The following CDH13 variants were observed in gnomAD, a reference collection of about 807,000 sequenced individuals.
CDH13 encodes cadherin 13, also known as cadherin-13.
A neutral mutation model predicts 63.8 loss-of-function variants in CDH13; 24 were observed. That is an observed-to-expected ratio of 0.38 (90% CI 0.27 to 0.53). The LOEUF (loss-of-function observed/expected upper bound fraction) is 0.53, where lower values mean the gene tolerates loss of function less well. Among genes scored for constraint, CDH13 ranks in the 20% least tolerant of loss-of-function variants. The pLI, the probability that CDH13 is intolerant of heterozygous loss-of-function variation, is 0.85. For missense variants in CDH13, 1,049 were observed against 903.1 expected, an observed-to-expected ratio of 1.16 and a Z score of -2.07; for synonymous variants, 503 against 355.3, an observed-to-expected ratio of 1.42 and a Z score of -4.67.
At chr16:82,656,773 G>A (rs961068258) in intron 1 of CDH13, among the ~76,000 whole-genome samples, 7 of 152,058 alleles carry the variant, frequency 4.6e-5, no homozygotes, top group African/African-American at 1.4e-4. Flanking sequence ...GCAATCCACC[G>A]ATCTTTCTTC....
At chr16:83,473,758 T>G (rs4782537) in intron 6 of CDH13, among the ~76,000 whole-genome samples, 152,156 of 152,270 alleles carry the variant, frequency 1, 76,021 homozygotes, top group Middle Eastern at 1. Flanking sequence ...GTAGGGAAGT[T>G]GGGAGAATAA....
intron 2 of CDH13, among the ~76,000 whole-genome samples, chr16:82,916,794 G>A (rs982089351): frequency 2.0e-5 from 3 of 151,984 alleles, no homozygotes; most frequent in Non-Finnish European, 4.4e-5. Context: ...CAGAGCAGGA[G>A]ACCTAAAAAA....
chr16:83,788,424 C>G (rs1215735645), intron 13 of CDH13, among the ~76,000 whole-genome samples: 1 of 151,850 alleles, frequency 6.6e-6, no homozygotes, highest in African/African-American at 2.4e-5. Context: ...ACACATTCTG[C>G]TACCAACACT....
rs552600495 is a variant in CDH13, at chr16:83,036,686, C to T, written c.366+4468C>T. On this transcript the variant is annotated intron_variant, in intron 3 of 13. Transcript: ENST00000567109. ...AATTCTGACCCTTGATATCTGGCTC[C>T]CACTCTGCATCCCTCTCCCTTGCAC... Among the ~76,000 whole-genome samples the T allele has an allele frequency of 2.6e-5, 4 of 152,216 alleles. No homozygotes were observed. In the South Asian group the frequency reaches 8.3e-4, roughly 32 times the overall value.
chr16:83,058,927 T>C (rs1027410016), intron 3 of CDH13, among the ~76,000 whole-genome samples: 1 of 152,164 alleles, frequency 6.6e-6, no homozygotes, highest in Admixed American at 6.5e-5. Context: ...TCTTAACTGG[T>C]GGAACCTCTT....
chr16:82,803,720 T>G (rs1281357076), intron 1 of CDH13, among the ~76,000 whole-genome samples: 1 of 152,068 alleles, frequency 6.6e-6, no homozygotes. Context: ...AATAAGACAG[T>G]CACAGAAGGA....
Position 83,044,811 on chromosome 16 carries a change from C to T in CDH13, c.366+12593C>T, listed in dbSNP as rs74804461. 4.6e-5 allele frequency among the ~76,000 whole-genome samples: 7 copies of T among 152,264 alleles called. No homozygotes were observed. The East Asian group carries it at 1.4e-3, about 29-fold the overall frequency. On this transcript the variant is annotated intron_variant, in intron 3 of 13. Transcript: ENST00000567109. ...TCCACAGGCTTTCCCAAGTGCATCG[C>T]TGCAGCCATAGTTAGCTCCCCAGCA...
rs558628316 is a variant in CDH13, at chr16:82,664,996, C to G, written c.45+37859C>G. Among the ~76,000 whole-genome samples the G allele has an allele frequency of 3.9e-5, 6 of 152,238 alleles. No individual in the cohort carries two copies. The East Asian group carries it at 7.7e-4, about 20-fold the overall frequency. On this transcript the variant is annotated intron_variant, in intron 1 of 13. Transcript: ENST00000567109. ...CCTACTCAGTAAAATGTATCTGTAGCTCCCAAATCAGTGGTCATGGTAGTG... is the reference window on the plus strand; with the variant it reads ...CCTACTCAGTAAAATGTATCTGTAGGTCCCAAATCAGTGGTCATGGTAGTG...
chr16:83,133,574 CTG>C (rs2036149812), intron 4 of CDH13, among the ~76,000 whole-genome samples: 1 of 152,210 alleles, frequency 6.6e-6, no homozygotes, highest in Non-Finnish European at 1.5e-5. Flanking sequence ...TCTGTGCTCA[CTG>C]CAACCTCTGC....
intron 8 of CDH13, among the ~76,000 whole-genome samples, chr16:83,646,711 A>AC (rs1911844854): frequency 1.2e-4 from 13 of 107,042 alleles, no homozygotes; most frequent in East Asian, 4.8e-4. Context: ...AAAAAAAAAA[A>AC]AACACACACA....
At chr16:82,661,785 C>A (rs1381412943) in intron 1 of CDH13, among the ~76,000 whole-genome samples, 2 of 152,214 alleles carry the variant, frequency 1.3e-5, no homozygotes, top group African/African-American at 2.4e-5. Flanking sequence ...GAATAAAGAG[C>A]TAGTACACAC....
chr16:83,034,631 C>T lies in CDH13; in HGVS notation c.366+2413C>T, dbSNP rs1217620496. On this transcript the variant is annotated intron_variant, in intron 3 of 13. Transcript: ENST00000567109. ...TATGGTGAGGGGGTTTGCCCATGGG[C>T]TTGAATGCATTTAGATGGCGATTGT... 3.3e-5 allele frequency among the ~76,000 whole-genome samples: 5 copies of T among 152,158 alleles called. No homozygotes were observed. In the East Asian group the frequency reaches 5.8e-4, roughly 18 times the overall value.
intron 1 of CDH13, among the ~76,000 whole-genome samples, chr16:82,784,957 G>T (rs2035934494): frequency 1.3e-5 from 2 of 152,148 alleles, no homozygotes; most frequent in Non-Finnish European, 2.9e-5. Flanking sequence ...AGCTGCTCCG[G>T]GCTGAGATGG....
chr16:83,707,968 G>A (rs1907387181), intron 10 of CDH13, among the ~76,000 whole-genome samples: 1 of 152,080 alleles, frequency 6.6e-6, no homozygotes, highest in Non-Finnish European at 1.5e-5. Context: ...CAAGGGGAAT[G>A]GGGAGCAGCT....
At chr16:83,329,758 A>G (rs2090443026) in intron 5 of CDH13, among the ~76,000 whole-genome samples, 1 of 152,160 alleles carries the variant, frequency 6.6e-6, no homozygotes. Flanking sequence ...GAGCTCATAT[A>G]AGTGGAATCA....
chr16:83,318,035 A>C (rs1324558724), intron 5 of CDH13, among the ~76,000 whole-genome samples: 1 of 152,198 alleles, frequency 6.6e-6, no homozygotes, highest in Non-Finnish European at 1.5e-5. Flanking sequence ...AGGAAGCTGT[A>C]GTCAGCCTCA....
chr16:83,052,801 A>AAAAAAAAAAAAAG (rs1555571697), intron 3 of CDH13, among the ~76,000 whole-genome samples: 7 of 122,656 alleles, frequency 5.7e-5, no homozygotes, highest in African/African-American at 6.6e-5. Context: ...AAAAAAAAAA[A>AAAAAAAAAAAAAG]AAAGAAAGAA....
intron 10 of CDH13, among the ~76,000 whole-genome samples, chr16:83,738,447 C>T (rs1396019137): frequency 6.6e-6 from 1 of 152,126 alleles, no homozygotes. Context: ...TCTTTTTTCT[C>T]CTCCGTATTG....
intron 2 of CDH13, among the ~76,000 whole-genome samples, chr16:82,909,197 A>G (rs1055671468): frequency 8.6e-5 from 13 of 151,980 alleles, no homozygotes; most frequent in Non-Finnish European, 1.8e-4. Flanking sequence ...TTTTCAATCC[A>G]TGATTGGTCA....
Sources: gnomAD v4.1 joint callset for allele counts (sites outside exome capture counted in the v4.1 genomes callset) on GRCh38, gnomAD v4.1.1 for gene constraint, MANE v1.5 for transcripts, NCBI Gene and HGNC (gene_info 2026-07-23, HGNC 2026-07-21) for gene names.